The following ADIPOQ variants were observed in gnomAD, a reference collection of about 807,000 sequenced individuals.
ADIPOQ encodes the protein adiponectin, C1Q and collagen domain containing.
Under a neutral mutation model 16.1 loss-of-function variants are expected in ADIPOQ, and 19 were observed. The ratio of observed to expected loss-of-function variants is 1.18; its 90% CI spans 0.82 to 1.73. The LOEUF (loss-of-function observed/expected upper bound fraction) is 1.73. ADIPOQ is among the 40% of genes most tolerant of loss of function. The pLI is 0.00. For missense variants in ADIPOQ, 323 were observed against 308.3 expected, an observed-to-expected ratio of 1.05 and a Z score of -0.36; for synonymous variants, 124 against 125.5, an observed-to-expected ratio of 0.99 and a Z score of 0.08.
chr3:186,844,863 C>T (rs373619681), intron 1 of ADIPOQ, among the ~76,000 whole-genome samples: 19 of 152,244 alleles, frequency 1.2e-4, no homozygotes, highest in African/African-American at 4.1e-4. Flanking sequence ...AACTTTCCAC[C>T]TACTCCTTGT....
chr3:186,845,040 G>T (rs1211541332), intron 1 of ADIPOQ, among the ~76,000 whole-genome samples: 1 of 151,952 alleles, frequency 6.6e-6, no homozygotes, highest in African/African-American at 2.4e-5. Context: ...TTAGTTCCTT[G>T]ACAGTATGTA....
At chr3:186,852,003 G>A (rs543190982) in intron 1 of ADIPOQ, 376 of 167,652 alleles carry the variant, frequency 2.2e-3, no homozygotes, top group South Asian at 5.5e-3. Flanking sequence ...GGGGAAGCAA[G>A]CACATCACAC....
At chr3:186,844,120 G>A (rs1033142375) in intron 1 of ADIPOQ, among the ~76,000 whole-genome samples, 115 of 152,190 alleles carry the variant, frequency 7.6e-4, no homozygotes, top group Non-Finnish European at 7.5e-4. Context: ...CTTTGTTCAT[G>A]AAGGCCAGTG....
rs202076198 is a variant in ADIPOQ at position 186,858,359 on chromosome 3, C to A, written c.*3655C>A. The A allele has an allele frequency of 1.2e-4, 18 of 151,724 alleles. No individual in the cohort carries two copies. Among genetic ancestry groups the A allele is most frequent in the African/African-American group, 4.1e-4 (17 of 41,368 alleles). 9.4% of individuals were successfully genotyped at this position (151,724 alleles called of 1,614,324 possible). A position where few individuals can be genotyped will look rare whatever the true frequency, so the allele number is the denominator to read the frequency against. ...ATATTATTGTATTTAAAATGTGTTT[C>A]TTACAGACTGCATGTAGTTGGGTAT... is the stretch of plus-strand genomic sequence containing the variant. On this transcript the variant is annotated 3_prime_UTR_variant, in exon 3 of 3. Transcript: ENST00000320741.
chr3:186,847,018 G>T (rs1273336035), intron 1 of ADIPOQ, among the ~76,000 whole-genome samples: 3 of 152,186 alleles, frequency 2.0e-5, no homozygotes, highest in African/African-American at 7.2e-5. Flanking sequence ...TCTCTGTGTA[G>T]CTCTGGGATC....
intron 1 of ADIPOQ, among the ~76,000 whole-genome samples, chr3:186,844,209 A>C (rs1302577447): frequency 6.6e-6 from 1 of 151,964 alleles, no homozygotes; most frequent in African/African-American, 2.4e-5. Context: ...TTTTTTTGGC[A>C]CAATCTCAGC....
intron 1 of ADIPOQ, among the ~76,000 whole-genome samples, chr3:186,848,189 G>GAA (rs1553805201): frequency 0.011 from 533 of 50,726 alleles, 14 homozygotes; most frequent in Non-Finnish European, 0.016. Flanking sequence ...AAAAAAAAAA[G>GAA]AGAGAGAGAA....
chr3:186,854,093 A>C (rs1013588686), intron 2 of ADIPOQ, 91 bp from the exon 3 acceptor site: 3 of 1,389,608 alleles, frequency 2.2e-6, no homozygotes, highest in Non-Finnish European at 2.9e-6. Context: ...GAAGGTTGTG[A>C]GTGGGAGCCA....
At chr3:186,844,536 A>G (rs1711529138) in intron 1 of ADIPOQ, among the ~76,000 whole-genome samples, 1 of 150,008 alleles carries the variant, frequency 6.7e-6, no homozygotes, top group Admixed American at 6.6e-5. Flanking sequence ...AAAAATAGAC[A>G]CAAGACTGGC....
intron 1 of ADIPOQ, among the ~76,000 whole-genome samples, chr3:186,845,122 C>T (rs1185911528): frequency 6.7e-6 from 1 of 150,368 alleles, no homozygotes; most frequent in Non-Finnish European, 1.5e-5. Context: ...GGGGGTGGTG[C>T]GTACGTATGT....
At position 186,854,243 on chromosome 3, in the gene ADIPOQ, C is replaced by G. The variant is rs139024247; in HGVS notation, c.274C>G (p.Arg92Gly). ...ETGVPGAEGPRGFPGIQGRKG... is the reference protein window; with the variant it reads ...ETGVPGAEGPGGFPGIQGRKG... ...CGGAGTACCCGGGGCTGAAGGTCCC[C>G]GAGGCTTTCCGGGAATCCAAGGCAG... The change falls in exon 3 of 3, where the codon CGA becomes GGA. Residue 92 changes from arginine (R) to glycine (G), a missense_variant. Coordinates refer to ENST00000320741, the MANE Select transcript of ADIPOQ (RefSeq NM_004797.4). The G allele has an allele frequency of 6.2e-7, 1 of 1,613,452 alleles. No individual in the cohort carries two copies. The highest frequency in any genetic ancestry group is 8.5e-7 in the Non-Finnish European group (1 of 1,179,562).
rs200633565 is a variant in ADIPOQ, at chr3:186,853,121, G to A, written c.63G>A (p.Thr21=). 16 of 1,614,188 alleles carry A rather than the reference G, an allele frequency of 9.9e-6. No homozygotes were observed. The highest frequency in any genetic ancestry group is 1.3e-5 in the Non-Finnish European group (15 of 1,180,028). ...LALPGHDQET[T]TQGPGVLLPL... ...TGCCCGGTCATGACCAGGAAACCAC[G>A]ACTCAAGGGCCCGGAGTCCTGCTTC... Residue 21 remains threonine, a synonymous_variant, in exon 2 of 3, where the codon ACG becomes ACA. Transcript: ENST00000320741.
chr3:186,854,650 T>C lies in ADIPOQ; in HGVS notation c.681T>C (p.Asp227=). 1.2e-6 allele frequency: 2 copies of C among 1,614,188 alleles called. No homozygotes were observed. The highest frequency in any genetic ancestry group is 1.7e-6 in the Non-Finnish European group (2 of 1,180,022). The change falls in exon 3 of 3, where the codon GAT becomes GAC. Residue 227 remains aspartate, a synonymous_variant. Transcript: ENST00000320741. ...GAGAGCGTAATGGACTCTATGCTGA[T>C]AATGACAATGACTCCACCTTCACAG... ...GEGERNGLYA[D]NDNDSTFTGF...
chr3:186,844,268 C>T lies in ADIPOQ; in HGVS notation c.-9+1519C>T, dbSNP rs906972011. On this transcript the variant is annotated intron_variant, in intron 1 of 2. Coordinates refer to ENST00000320741, the MANE Select transcript of ADIPOQ (RefSeq NM_004797.4). ...GTTCAAGCGATTCTCCTGCCTCAGT[C>T]TCCCAAGTAGCTGAGACTACAGGCA... 2.6e-5 allele frequency among the ~76,000 whole-genome samples: 4 copies of T among 152,100 alleles called. 1 individual carries two copies. The highest frequency in any genetic ancestry group is 9.7e-5 in the African/African-American group (4 of 41,396).
At chr3:186,853,009 G>A (rs780572021) in intron 1 of ADIPOQ, 42 bp from the exon 2 acceptor site, 9 of 1,604,870 alleles carry the variant, frequency 5.6e-6, no homozygotes, top group African/African-American at 1.3e-5. Context: ...GTGTGTGTGG[G>A]GTCTGTCTCT....
At chr3:186,843,661 A>AC (rs760075653) in intron 1 of ADIPOQ, among the ~76,000 whole-genome samples, 1 of 696 alleles carries the variant, frequency 1.4e-3, no homozygotes, top group African/African-American at 5.1e-3. Context: ...ACTTTGTGTC[A>AC]AAAAAAAAAA....
rs1243440514 is a variant in ADIPOQ, at chr3:186,857,774, A to C, written c.*3070A>C. ...ATTATTAGATATATACATGTTTAGT[A>C]TTATGTCTTATTGGTGCATTTACTC... On this transcript the variant is annotated 3_prime_UTR_variant, in exon 3 of 3. Transcript: ENST00000320741. 15 of 152,054 alleles carry C rather than the reference A, an allele frequency of 9.9e-5. No individual in the cohort carries two copies. Among genetic ancestry groups the C allele is most frequent in the Admixed American group, 9.8e-4 (15 of 15,258 alleles). The allele number at this position is 152,054 out of a possible 1,614,324, so 9.4% of individuals were successfully genotyped here.
rs201580726 is a variant in ADIPOQ at position 186,857,766 on chromosome 3, T to C, written c.*3062T>C. 1 of 152,224 alleles carries C rather than the reference T, an allele frequency of 6.6e-6. No homozygotes were observed. Among genetic ancestry groups the C allele is most frequent in the Non-Finnish European group, 1.5e-5 (1 of 68,046 alleles). 9.4% of individuals were successfully genotyped at this position (152,224 alleles called of 1,614,324 possible). On this transcript the variant is annotated 3_prime_UTR_variant, in exon 3 of 3. Coordinates refer to ENST00000320741, the MANE Select transcript of ADIPOQ (RefSeq NM_004797.4). ...AGCGCTCTATTATTAGATATATACA[T>C]GTTTAGTATTATGTCTTATTGGTGC...
At chr3:186,845,140 T>TGGATGTGGTGTGTGGGTGTGC (rs1478665104) in intron 1 of ADIPOQ, among the ~76,000 whole-genome samples, 1 of 150,696 alleles carries the variant, frequency 6.6e-6, no homozygotes, top group African/African-American at 2.4e-5. Flanking sequence ...TGTGGATGTG[T>TGGATGTGGTGTGTGGGTGTGC]GGATGTGGTG....
Sources: gnomAD v4.1 joint callset for allele counts (sites outside exome capture counted in the v4.1 genomes callset) on GRCh38, gnomAD v4.1.1 for gene constraint, MANE v1.5 for transcripts, NCBI Gene and HGNC (gene_info 2026-07-23, HGNC 2026-07-21) for gene names.